EPM2A: variants seen among roughly 807,000 people sequenced by gnomAD.
EPM2A encodes the protein laforin.
Under a neutral mutation model 26.5 loss-of-function variants are expected in EPM2A, and 21 were observed. The ratio of observed to expected loss-of-function variants is 0.79; its 90% CI spans 0.56 to 1.14. The LOEUF is 1.14. Ranked by LOEUF, EPM2A falls within the 50% of genes most tolerant of loss-of-function variation. The pLI is 0.00. For missense variants in EPM2A, 458 were observed against 440.8 expected, an observed-to-expected ratio of 1.04 and a Z score of -0.35; for synonymous variants, 217 against 177.6, an observed-to-expected ratio of 1.22 and a Z score of -1.76.
At position 145,434,451 on chromosome 6, in the gene EPM2A, C is replaced by T. The variant is rs1330294764; in HGVS notation, c.556-50354G>A. Among the ~76,000 whole-genome samples, 14 of 151,992 alleles carry T rather than the reference C, an allele frequency of 9.2e-5. 1 individual carries two copies. On this transcript the variant is annotated intron_variant, in intron 4 of 4. Transcript: ENST00000638717. The stretch of plus-strand genomic sequence containing the variant: ...CTTAGACAATGAGTTCTTGTGAGAT[C>T]TGGTTGTTTAAAAGTGTGTGGCACT...
At chr6:145,659,317 C>T (rs991653467) in intron 2 of EPM2A, among the ~76,000 whole-genome samples, 1 of 152,236 alleles carries the variant, frequency 6.6e-6, no homozygotes, top group Middle Eastern at 3.4e-3. Context: ...CTCTATGAAA[C>T]TTTATTCTTT....
chr6:145,483,583 T>A (rs1489628666), intron 4 of EPM2A, among the ~76,000 whole-genome samples: 1 of 152,118 alleles, frequency 6.6e-6, no homozygotes, highest in Non-Finnish European at 1.5e-5. Context: ...GTTGAGGAAG[T>A]GAATCATCCA....
chr6:145,686,859 T>A (rs1326251323), intron 1 of EPM2A: 1 of 158,192 alleles, frequency 6.3e-6, no homozygotes, highest in Admixed American at 6.2e-5. Flanking sequence ...TTAACTAGCT[T>A]GCCCAAGGTC....
At chr6:145,470,302 C>A (rs1779457660) in intron 4 of EPM2A, among the ~76,000 whole-genome samples, 1 of 151,926 alleles carries the variant, frequency 6.6e-6, no homozygotes, top group Non-Finnish European at 1.5e-5. Flanking sequence ...AATATATACA[C>A]CAACTATGTA....
At chr6:145,427,106 C>T (rs1001323657) in intron 4 of EPM2A, among the ~76,000 whole-genome samples, 1 of 152,190 alleles carries the variant, frequency 6.6e-6, no homozygotes, top group Non-Finnish European at 1.5e-5. Flanking sequence ...GTATTCCTGA[C>T]ACAGCATCAT....
chr6:145,573,065 A>T (rs972616221), intron 2 of EPM2A, among the ~76,000 whole-genome samples: 3 of 152,214 alleles, frequency 2.0e-5, no homozygotes, highest in Non-Finnish European at 2.9e-5. Context: ...CCCGAGTTTC[A>T]GTTAGATTTC....
chr6:145,580,268 A>G (rs1781094051), intron 2 of EPM2A, among the ~76,000 whole-genome samples: 1 of 152,196 alleles, frequency 6.6e-6, no homozygotes, highest in Admixed American at 6.5e-5. Flanking sequence ...TTTCTTTTAC[A>G]CAAAACAAGC....
chr6:145,427,234 A>G (rs1187675519), intron 4 of EPM2A, among the ~76,000 whole-genome samples: 1 of 152,168 alleles, frequency 6.6e-6, no homozygotes, highest in African/African-American at 2.4e-5. Context: ...CCAATGACTG[A>G]GAGATATGGT....
chr6:145,525,463 C>T (rs939316259), intron 2 of EPM2A, among the ~76,000 whole-genome samples: 2 of 151,808 alleles, frequency 1.3e-5, no homozygotes, highest in Non-Finnish European at 2.9e-5. Flanking sequence ...TTTGCTTGTG[C>T]CATCTTTGAT....
At chr6:145,409,118 G>A (rs1001834711) in intron 4 of EPM2A, among the ~76,000 whole-genome samples, 1 of 152,118 alleles carries the variant, frequency 6.6e-6, no homozygotes, top group African/African-American at 2.4e-5. Context: ...CTAAGCAAAA[G>A]AAAGATCAGA....
intron 4 of EPM2A, among the ~76,000 whole-genome samples, chr6:145,425,798 G>A (rs1778847800): frequency 1.3e-5 from 2 of 152,136 alleles, no homozygotes; most frequent in Non-Finnish European, 2.9e-5. Flanking sequence ...CTGTGTGATT[G>A]CTTCATGTTG....
chr6:145,690,179 T>G (rs1781182863), intron 1 of EPM2A, among the ~76,000 whole-genome samples: 1 of 152,092 alleles, frequency 6.6e-6, no homozygotes, highest in Non-Finnish European at 1.5e-5. Flanking sequence ...GCTGGAGTGG[T>G]GTCAGAAGAA....
In EPM2A at chr6:145,626,814, G is replaced by T; in HGVS notation, c.*602C>A. ...AATGAGAGATAATTCTACTTTAGTTGTTACACAGGGTTGTTGGGTAGAGAA... is the reference window on the plus strand; with the variant it reads ...AATGAGAGATAATTCTACTTTAGTTTTTACACAGGGTTGTTGGGTAGAGAA... On this transcript the variant is annotated 3_prime_UTR_variant, in exon 4 of 4. Transcript: ENST00000367519. 6.1e-6 allele frequency: 6 copies of T among 986,330 alleles called. No individual in the cohort carries two copies. In the South Asian group the frequency reaches 1.9e-4, roughly 31 times the overall value. The allele number at this position is 986,330 out of a possible 1,614,324, so 61.1% of individuals were successfully genotyped here. A position where few individuals can be genotyped will look rare whatever the true frequency, so the allele number is the denominator to read the frequency against.
intron 2 of EPM2A, chr6:145,636,136 A>G (rs1776665685): frequency 6.6e-6 from 1 of 152,280 alleles, no homozygotes; most frequent in Non-Finnish European, 1.5e-5. Context: ...AAATAATGAA[A>G]TGAAAAAGTT....
chr6:145,561,726 A>G (rs554879555), intron 2 of EPM2A, among the ~76,000 whole-genome samples: 223 of 152,302 alleles, frequency 1.5e-3, no homozygotes, highest in African/African-American at 4.8e-3. Context: ...TTGTGAGGGC[A>G]GTGATAATCA....
In EPM2A at chr6:145,687,743, A is replaced by G. The variant is rs558544785; in HGVS notation, c.302-1447T>C. Among the ~76,000 whole-genome samples the G allele has an allele frequency of 2.0e-5, 3 of 152,336 alleles. No individual in the cohort carries two copies. The Middle Eastern group carries it at 0.01, about 518-fold the overall frequency. On this transcript the variant is annotated intron_variant, in intron 1 of 3. Coordinates refer to ENST00000367519, the MANE Select transcript of EPM2A (RefSeq NM_005670.4). ...TTAAATTATTTGATGTTTCTTTGAG[A>G]TATAACTCCTTCCATCAGACAGAAG...
Position 145,617,764 on chromosome 6 carries a change from C to T in EPM2A, c.340+17481G>A, listed in dbSNP as rs371717100. ...GACCAGCCTGGGTGACATAGTGAGA[C>T]CCCCATCTTTAGAACAAACTTTTAA... On this transcript the variant is annotated intron_variant, in intron 2 of 3. Transcript: ENST00000450221. Among the ~76,000 whole-genome samples, 10 of 151,946 alleles carry T rather than the reference C, an allele frequency of 6.6e-5. No individual in the cohort carries two copies. In the East Asian group the frequency reaches 1.7e-3, roughly 26 times the overall value.
intron 2 of EPM2A, among the ~76,000 whole-genome samples, chr6:145,573,254 T>C (rs1402186701): frequency 6.6e-6 from 1 of 152,224 alleles, no homozygotes; most frequent in Admixed American, 6.5e-5. Context: ...AGAGTTGATA[T>C]ACCCCTGAGG....
intron 2 of EPM2A, among the ~76,000 whole-genome samples, chr6:145,609,219 G>C (rs1775337813): frequency 6.6e-6 from 1 of 152,134 alleles, no homozygotes; most frequent in South Asian, 2.1e-4. Flanking sequence ...ATAAATAGGA[G>C]AGCAGAACTT....
Sources: allele counts gnomAD v4.1 joint callset (sites outside exome capture counted in the v4.1 genomes callset), GRCh38; gene constraint gnomAD v4.1.1; transcripts MANE v1.5; gene names NCBI Gene and HGNC (gene_info 2026-07-23, HGNC 2026-07-21).